The following DENND1A variants were observed in gnomAD, a reference collection of about 807,000 sequenced individuals.
The protein encoded by DENND1A is DENN domain-containing protein 1A.
DENND1A carries 51 observed loss-of-function variants against 113.7 expected under a neutral mutation model. The ratio of observed to expected loss-of-function variants is 0.45; its 90% CI spans 0.36 to 0.57. The LOEUF (loss-of-function observed/expected upper bound fraction) is 0.57, where lower values mean the gene tolerates loss of function less well. DENND1A is among the 20% of genes least tolerant of loss of function. The probability of loss-of-function intolerance (pLI) is 0.00; values close to 1 mark genes in which losing one functional copy is unlikely to be tolerated. For missense variants in DENND1A, 1,258 were observed against 1,395.9 expected, an observed-to-expected ratio of 0.90 and a Z score of 1.57; for synonymous variants, 565 against 570.8, an observed-to-expected ratio of 0.99 and a Z score of 0.14.
chr9:123,575,705 G>A (rs1174568579), intron 12 of DENND1A, among the ~76,000 whole-genome samples: 1 of 152,182 alleles, frequency 6.6e-6, no homozygotes, highest in Non-Finnish European at 1.5e-5. Context: ...GGGGCAAGGG[G>A]CGATTAAGCC....
chr9:123,856,313 G>C (rs151256424), intron 2 of DENND1A, among the ~76,000 whole-genome samples: 9 of 152,130 alleles, frequency 5.9e-5, no homozygotes, highest in Non-Finnish European at 1.0e-4. Flanking sequence ...AGTGCAACCA[G>C]TGCGAGAAGA....
chr9:123,744,526 T>C (rs1334909078), intron 5 of DENND1A, among the ~76,000 whole-genome samples: 1 of 152,180 alleles, frequency 6.6e-6, no homozygotes, highest in African/African-American at 2.4e-5. Context: ...TGAATATATA[T>C]TGCCAATTGT....
rs56006420 is a variant in DENND1A at position 123,740,899 on chromosome 9, TGAGAGAGAGAGAGAGA to T, written c.302+16788_302+16803del. ...AAGAAAGATGCTGAGGAAGGGAAAG[TGAGAGAGAGAGAGAGA>T]GAGAGAGAGAGAGAGAGAGAGAGAG... On this transcript the variant is annotated intron_variant, in intron 5 of 23. Coordinates refer to ENST00000394215, the MANE Select transcript of DENND1A (RefSeq NM_001352964.2). Among the ~76,000 whole-genome samples the T allele has an allele frequency of 4.7e-4, 51 of 108,940 alleles. No individual in the cohort carries two copies. In the South Asian group the frequency reaches 6.0e-3, roughly 13 times the overall value. The allele number at this position is 108,940 out of a possible 152,430, so 71.5% of individuals were successfully genotyped here. A position where few individuals can be genotyped will look rare whatever the true frequency, so the allele number is the denominator to read the frequency against.
chr9:123,846,537 GT>G (rs996930451), intron 2 of DENND1A, among the ~76,000 whole-genome samples: 7 of 152,166 alleles, frequency 4.6e-5, no homozygotes, highest in East Asian at 1.9e-4. Flanking sequence ...ATGAAGTTCT[GT>G]ACATACTACA....
At chr9:123,805,312 G>GT (rs1554764973) in intron 2 of DENND1A, among the ~76,000 whole-genome samples, 2 of 151,918 alleles carry the variant, frequency 1.3e-5, no homozygotes, top group South Asian at 2.1e-4. Flanking sequence ...GACTAGAAGT[G>GT]TTTTTTCAGA....
intron 13 of DENND1A, among the ~76,000 whole-genome samples, chr9:123,467,632 G>T (rs558506709): frequency 1.3e-5 from 2 of 152,268 alleles, no homozygotes; most frequent in Non-Finnish European, 2.9e-5. Context: ...TCCAGCGTGG[G>T]CAACAAGAGA....
intron 13 of DENND1A, among the ~76,000 whole-genome samples, chr9:123,485,237 C>G (rs1208273265): frequency 6.6e-6 from 1 of 152,122 alleles, no homozygotes; most frequent in African/African-American, 2.4e-5. Context: ...AAAATCTGCT[C>G]GTGATTATAA....
At chr9:123,738,491 TTTTG>T (rs963947732) in intron 5 of DENND1A, among the ~76,000 whole-genome samples, 50 of 144,480 alleles carry the variant, frequency 3.5e-4, no homozygotes, top group South Asian at 2.9e-3. Flanking sequence ...GTAGTGATGT[TTTTG>T]TTTGTTTGCT....
At chr9:123,637,079 G>A (rs750233770) in intron 9 of DENND1A, among the ~76,000 whole-genome samples, 3 of 152,188 alleles carry the variant, frequency 2.0e-5, no homozygotes, top group Admixed American at 6.5e-5. Context: ...AGCTCTAAAA[G>A]CTGGCAGAGG....
chr9:123,567,515 G>A (rs1472822943), intron 12 of DENND1A, among the ~76,000 whole-genome samples: 5 of 152,114 alleles, frequency 3.3e-5, no homozygotes, highest in Admixed American at 3.3e-4. Flanking sequence ...TATTTCTAAT[G>A]AACCAGAACA....
At chr9:123,559,556 G>A (rs1472726927) in intron 12 of DENND1A, among the ~76,000 whole-genome samples, 1 of 152,106 alleles carries the variant, frequency 6.6e-6, no homozygotes, top group Admixed American at 6.6e-5. Context: ...ATCACTTGCT[G>A]AGAAGTCTGG....
intron 3 of DENND1A, among the ~76,000 whole-genome samples, chr9:123,788,114 A>G (rs1449694943): frequency 6.6e-6 from 1 of 152,104 alleles, no homozygotes; most frequent in Non-Finnish European, 1.5e-5. Flanking sequence ...TCTAATTGCC[A>G]CTCTTAGAAA....
At chr9:123,865,748 C>T (rs982294219) in intron 2 of DENND1A, among the ~76,000 whole-genome samples, 2 of 152,126 alleles carry the variant, frequency 1.3e-5, no homozygotes, top group African/African-American at 4.8e-5. Context: ...CCCCATTTTA[C>T]AGCATAGGGA....
chr9:123,854,699 AAAAAAT>A (rs1387983407), intron 2 of DENND1A, among the ~76,000 whole-genome samples: 1 of 150,902 alleles, frequency 6.6e-6, no homozygotes, highest in East Asian at 1.9e-4. Flanking sequence ...TGTCTCAAAA[AAAAAAT>A]AAAAATAAAA....
rs1298687850 is a variant in DENND1A, at chr9:123,403,453, T to C, written c.1580A>G (p.Lys527Arg). Reference sequence around the variant, plus strand: ...CCGGCCTTCCACTGCGATGTTGCTCTTTGGTCTCTTAACAACATGTGGACG... The same window carrying C: ...CCGGCCTTCCACTGCGATGTTGCTCCTTGGTCTCTTAACAACATGTGGACG... ...PPRPHVVKRPKSNIAVEGRRT... is the reference protein window; with the variant it reads ...PPRPHVVKRPRSNIAVEGRRT... Residue 527 changes from lysine (K) to arginine (R), a missense_variant, in exon 21 of 24, where the codon AAG (lysine) becomes AGG (arginine). This residue lies in a region of DENND1A where 1,159 missense variants were observed against 1,231.7 expected (regional missense o/e 0.94). Transcript: ENST00000394215. 6.2e-7 allele frequency: 1 copy of C among 1,614,162 alleles called. No homozygotes were observed. The highest frequency in any genetic ancestry group is 1.7e-5 in the Admixed American group (1 of 60,018).
intron 5 of DENND1A, among the ~76,000 whole-genome samples, chr9:123,683,262 A>G (rs1026343936): frequency 3.3e-5 from 5 of 152,208 alleles, no homozygotes; most frequent in Non-Finnish European, 7.4e-5. Context: ...ACAAGACATG[A>G]AGAGAAAAAT....
intron 13 of DENND1A, among the ~76,000 whole-genome samples, chr9:123,496,850 G>A (rs1204380210): frequency 6.6e-6 from 1 of 152,184 alleles, no homozygotes; most frequent in Non-Finnish European, 1.5e-5. Context: ...GTCTTCACGG[G>A]GCTGCTCACA....
intron 21 of DENND1A, among the ~76,000 whole-genome samples, chr9:123,392,837 CCA>C (rs1321861431): frequency 6.6e-6 from 1 of 152,128 alleles, no homozygotes; most frequent in East Asian, 1.9e-4. Context: ...TGCCGAGGCC[CCA>C]GAGTCCCTTA....
intron 6 of DENND1A, among the ~76,000 whole-genome samples, chr9:123,676,028 G>A (rs1349669907): frequency 6.6e-6 from 1 of 152,192 alleles, no homozygotes; most frequent in African/African-American, 2.4e-5. Context: ...ATGACAAAAT[G>A]CTATGCAGCC....
Sources: allele counts gnomAD v4.1 joint callset (sites outside exome capture counted in the v4.1 genomes callset), GRCh38; gene constraint gnomAD v4.1.1; regional missense constraint gnomAD v4.1.1; transcripts MANE v1.5; gene names NCBI Gene and HGNC (gene_info 2026-07-23, HGNC 2026-07-21).